The following PTPRJ variants were observed in gnomAD, a reference collection of about 807,000 sequenced individuals.
PTPRJ encodes the protein receptor-type tyrosine-protein phosphatase eta.
A neutral mutation model predicts 141.3 loss-of-function variants in PTPRJ; 129 were observed. The observed-to-expected ratio is 0.91, with a 90% CI of 0.79 to 1.06. The LOEUF (loss-of-function observed/expected upper bound fraction) is 1.06. Ranked by LOEUF, PTPRJ falls within the 50% of genes least tolerant of loss-of-function variation. The pLI, the probability that PTPRJ is intolerant of heterozygous loss-of-function variation, is 0.00. For missense variants in PTPRJ, 1,601 were observed against 1,679.7 expected, an observed-to-expected ratio of 0.95 and a Z score of 0.82; for synonymous variants, 610 against 640.5, an observed-to-expected ratio of 0.95 and a Z score of 0.72.
At chr11:48,058,212 T>G (rs1383293698) in intron 1 of PTPRJ, among the ~76,000 whole-genome samples, 2 of 151,738 alleles carry the variant, frequency 1.3e-5, no homozygotes, top group Non-Finnish European at 2.9e-5. Flanking sequence ...ACACCCAGCC[T>G]TTTTTTAAAA....
chr11:48,137,983 G>A (rs1857143775), intron 10 of PTPRJ, among the ~76,000 whole-genome samples: 1 of 152,236 alleles, frequency 6.6e-6, no homozygotes, highest in Admixed American at 6.5e-5. Context: ...GAAAGGCTTT[G>A]CAGACAGTGG....
chr11:48,144,618 G>C, intron 12 of PTPRJ, 57 bp from the exon 13 acceptor site: 17 of 1,368,638 alleles, frequency 1.2e-5, no homozygotes, highest in Non-Finnish European at 1.5e-5. Flanking sequence ...ATATGCAGGA[G>C]AAGAAATCTC....
At chr11:48,004,133 G>A (rs576690845) in intron 1 of PTPRJ, among the ~76,000 whole-genome samples, 52 of 152,098 alleles carry the variant, frequency 3.4e-4, no homozygotes, top group African/African-American at 1.1e-3. Context: ...GTGATTGTTG[G>A]GTGAACACTT....
chr11:48,043,295 C>T (rs150143239), intron 1 of PTPRJ, among the ~76,000 whole-genome samples: 14 of 152,316 alleles, frequency 9.2e-5, no homozygotes, highest in African/African-American at 2.9e-4. Flanking sequence ...TAGCTCACTG[C>T]AGCTTCGAAC....
intron 10 of PTPRJ, 69 bp from the exon 11 acceptor site, chr11:48,139,417 A>T (rs1333284829): frequency 1.3e-6 from 2 of 1,522,516 alleles, no homozygotes; most frequent in Non-Finnish European, 1.8e-6. Context: ...GGATTCTGCT[A>T]CTCCCTATTT....
At chr11:48,084,722 T>TG in intron 1 of PTPRJ, among the ~76,000 whole-genome samples, 1 of 151,468 alleles carries the variant, frequency 6.6e-6, no homozygotes, top group African/African-American at 2.4e-5. Context: ...TTGTGAAACT[T>TG]GGAGTACGTA....
chr11:48,166,537 C>G (rs186169852), intron 24 of PTPRJ, among the ~76,000 whole-genome samples: 154 of 152,034 alleles, frequency 1.0e-3, no homozygotes, highest in African/African-American at 3.5e-3. Flanking sequence ...TGATCTCGCA[C>G]TCCTAACCTG....
At chr11:48,156,627 T>C in intron 21 of PTPRJ, among the ~76,000 whole-genome samples, 2 of 137,974 alleles carry the variant, frequency 1.4e-5, no homozygotes, top group South Asian at 2.4e-4. Context: ...CAGGGTCTCC[T>C]CTGTCAGCCA....
At chr11:48,066,109 C>T (rs957979756) in intron 1 of PTPRJ, among the ~76,000 whole-genome samples, 2 of 152,172 alleles carry the variant, frequency 1.3e-5, no homozygotes, top group Non-Finnish European at 2.9e-5. Context: ...AGTCATGCCA[C>T]TGCACTCTAG....
chr11:48,160,479 G>T (rs964954341), intron 22 of PTPRJ, among the ~76,000 whole-genome samples: 1 of 152,188 alleles, frequency 6.6e-6, no homozygotes, highest in African/African-American at 2.4e-5. Flanking sequence ...TATGCACATG[G>T]CCTTCCTTCC....
intron 1 of PTPRJ, among the ~76,000 whole-genome samples, chr11:48,010,815 T>C (rs1227553033): frequency 6.6e-6 from 1 of 152,086 alleles, no homozygotes; most frequent in Non-Finnish European, 1.5e-5. Flanking sequence ...GAAATATAGG[T>C]GTGAGCCACC....
At chr11:48,147,762 C>T (rs939325105) in intron 15 of PTPRJ, among the ~76,000 whole-genome samples, 2 of 152,168 alleles carry the variant, frequency 1.3e-5, no homozygotes, top group African/African-American at 2.4e-5. Context: ...TAGGGGTCCT[C>T]ATGCGGCCCA....
chr11:48,041,838 C>T (rs1266562996), intron 1 of PTPRJ, among the ~76,000 whole-genome samples: 1 of 151,828 alleles, frequency 6.6e-6, no homozygotes, highest in South Asian at 2.1e-4. Context: ...GTCTCAAATT[C>T]CTGAGCTCAA....
At chr11:48,082,809 T>G in intron 1 of PTPRJ, among the ~76,000 whole-genome samples, 1 of 152,158 alleles carries the variant, frequency 6.6e-6, no homozygotes, top group Non-Finnish European at 1.5e-5. Context: ...GGGGTGACAC[T>G]TGTTAACTTC....
chr11:48,128,449 C>G (rs182743767), intron 7 of PTPRJ, among the ~76,000 whole-genome samples: 4 of 152,216 alleles, frequency 2.6e-5, no homozygotes, highest in Non-Finnish European at 5.9e-5. Context: ...GACATTATAA[C>G]GAATCACTGG....
rs766347616 is a variant in PTPRJ at position 48,127,918 on chromosome 11, A to G, written c.1232A>G (p.Asn411Ser). The G allele has an allele frequency of 1.2e-6, 2 of 1,613,982 alleles. No individual in the cohort carries two copies. The highest frequency in any genetic ancestry group is 1.3e-5 in the African/African-American group (1 of 74,874). ...IHVAGETDSS[N>S]LNVSEPRAVI... ...GTGGCGGGGGAGACAGATTCTTCCAATCTCAACGTCAGTGAGCCTCGCGCT... is the reference window on the plus strand; with the variant it reads ...GTGGCGGGGGAGACAGATTCTTCCAGTCTCAACGTCAGTGAGCCTCGCGCT... The change falls in exon 7 of 25, where the codon AAT becomes AGT. Residue 411 changes from asparagine to serine, a missense_variant. Transcript: ENST00000418331.
chr11:48,052,754 T>A (rs917297529), intron 1 of PTPRJ, among the ~76,000 whole-genome samples: 1 of 152,162 alleles, frequency 6.6e-6, no homozygotes, highest in Non-Finnish European at 1.5e-5. Context: ...CCGCCATTAA[T>A]ACATGTCCTT....
chr11:48,157,225 G>T (rs1857634523), intron 21 of PTPRJ, among the ~76,000 whole-genome samples: 1 of 152,090 alleles, frequency 6.6e-6, no homozygotes, highest in African/African-American at 2.4e-5. Context: ...CTGACCTTGT[G>T]GTCCACCTGC....
At chr11:48,144,643 C>T in intron 12 of PTPRJ, 32 bp from the exon 13 acceptor site, 2 of 1,558,622 alleles carry the variant, frequency 1.3e-6, no homozygotes, top group Non-Finnish European at 1.8e-6. Context: ...CCATCACTTT[C>T]TTATGATTCT....
Sources: gnomAD v4.1 joint callset for allele counts (sites outside exome capture counted in the v4.1 genomes callset) on GRCh38, gnomAD v4.1.1 for gene constraint, MANE v1.5 for transcripts, NCBI Gene and HGNC (gene_info 2026-07-23, HGNC 2026-07-21) for gene names.